Variants in CAMK2N1 observed in about 807,000 individuals in gnomAD.
The protein encoded by CAMK2N1 is calcium/calmodulin dependent protein kinase II inhibitor 1, also known as calcium/calmodulin-dependent protein kinase II inhibitor 1.
A neutral mutation model predicts 6.4 loss-of-function variants in CAMK2N1; 2 were observed. The ratio of observed to expected loss-of-function variants is 0.31; its 90% CI spans 0.13 to 0.98. The LOEUF is 0.98. Ranked by LOEUF, CAMK2N1 falls within the 50% of genes least tolerant of loss-of-function variation. The pLI is 0.51. For missense variants in CAMK2N1, 77 were observed against 107.3 expected (o/e 0.72, Z 1.25); for synonymous variants, 42 against 47.5 (o/e 0.88, Z 0.47).
In CAMK2N1 at chr1:20,482,595, C is replaced by T. The variant is rs2051476599; in HGVS notation, c.*1054G>A. 1 of 152,568 alleles carries T rather than the reference C, an allele frequency of 6.6e-6. No individual in the cohort carries two copies. Among genetic ancestry groups the T allele is most frequent in the African/African-American group, 2.4e-5 (1 of 41,448 alleles). The allele number at this position is 152,568 out of a possible 1,614,324, so 9.5% of individuals were successfully genotyped here. On this transcript the variant is annotated 3_prime_UTR_variant, in exon 2 of 2. Coordinates refer to ENST00000375078, the MANE Select transcript of CAMK2N1 (RefSeq NM_018584.6). Reference sequence around the variant, plus strand: ...TTTTGCAAATACCATGCAAAACAGGCAGCTGGTGTGCCTTAAGAGAATCCC... The same window carrying T: ...TTTTGCAAATACCATGCAAAACAGGTAGCTGGTGTGCCTTAAGAGAATCCC...
At chr1:20,483,855 A>G (rs2051488508) in intron 1 of CAMK2N1, 136 bp from the exon 2 acceptor site, 1 of 735,668 alleles carries the variant, frequency 1.4e-6, no homozygotes, top group Non-Finnish European at 2.4e-6. Context: ...GCGGTGAAAC[A>G]GCTCCATCCT....
rs1176293245 is a variant in CAMK2N1, at chr1:20,483,084, TAC to T, written c.*563_*564del. On this transcript the variant is annotated 3_prime_UTR_variant, in exon 2 of 2. Transcript: ENST00000375078. ...GATGACCAAAATAAAACAGAATATC[TAC>T]AGAGATCATTTTCTGAATTTTTTGT... 6.5e-6 allele frequency: 1 copy of T among 152,760 alleles called. No homozygotes were observed. Among genetic ancestry groups the T allele is most frequent in the African/African-American group, 2.4e-5 (1 of 41,562 alleles). 9.5% of individuals were successfully genotyped at this position (152,760 alleles called of 1,614,324 possible). A position where few individuals can be genotyped will look rare whatever the true frequency, so the allele number is the denominator to read the frequency against.
intron 1 of CAMK2N1, 63 bp from the exon 2 acceptor site, chr1:20,483,782 T>C (rs2051487837): frequency 1.4e-6 from 2 of 1,441,088 alleles, no homozygotes; most frequent in South Asian, 2.3e-5. Flanking sequence ...GTCTCTGACA[T>C]TTCCCGTTAT....
chr1:20,483,729 A>C lies in CAMK2N1; in HGVS notation c.167-10T>G, dbSNP rs2101104762. ...TCATCTTCAATAACAACTGCAAAAA[A>C]AGGGGGGAAAAGAGAGGTGAGCGCG... On this transcript the variant is annotated splice_polypyrimidine_tract_variant and intron_variant, in intron 1 of 1. Coordinates refer to ENST00000375078, the MANE Select transcript of CAMK2N1 (RefSeq NM_018584.6). 1 of 1,613,796 alleles carries C rather than the reference A, an allele frequency of 6.2e-7. No homozygotes were observed. The highest frequency in any genetic ancestry group is 1.3e-5 in the African/African-American group (1 of 75,058).
chr1:20,482,697 T>C lies in CAMK2N1; in HGVS notation c.*952A>G, dbSNP rs1425723485. On this transcript the variant is annotated 3_prime_UTR_variant, in exon 2 of 2. Coordinates refer to ENST00000375078, the MANE Select transcript of CAMK2N1 (RefSeq NM_018584.6). Reference sequence around the variant, plus strand: ...ACAGAGAAAAGAAACTAAAATGCCTTTTGGCATTTCAAGATATTTGGCACT... The same window carrying C: ...ACAGAGAAAAGAAACTAAAATGCCTCTTGGCATTTCAAGATATTTGGCACT... 6.6e-6 allele frequency: 1 copy of C among 152,482 alleles called. No homozygotes were observed. Among genetic ancestry groups the C allele is most frequent in the Non-Finnish European group, 1.5e-5 (1 of 68,042 alleles). 9.4% of individuals were successfully genotyped at this position (152,482 alleles called of 1,614,324 possible).
Position 20,484,876 on chromosome 1 carries a change from C to A in CAMK2N1, c.166+338G>T, listed in dbSNP as rs913423897. Among the ~76,000 whole-genome samples the A allele has an allele frequency of 1.3e-5, 2 of 152,204 alleles. No homozygotes were observed. The highest frequency in any genetic ancestry group is 2.9e-5 in the Non-Finnish European group (2 of 68,036). On this transcript the variant is annotated intron_variant, in intron 1 of 1. Transcript: ENST00000375078. The surrounding 1 kb of genome is among the most constrained non-coding windows in gnomAD (Gnocchi z 6.8). ...CCTGGGGGTCCCTGGGACCCCCTCC[C>A]CACAGGGTTATGGAGCGAGTGCAGC...
Position 20,485,411 on chromosome 1 carries a change from C to T in CAMK2N1, c.-32G>A. On this transcript the variant is annotated 5_prime_UTR_variant, in exon 1 of 2. Transcript: ENST00000375078. The surrounding 1 kb of genome is among the most constrained non-coding windows in gnomAD (Gnocchi z 8.4). ...GTCCGGGGGCTCCGCCGCGGCGCCT[C>T]CTCCGCCCGCGTCCCCGCCCGCGGC... 6 of 1,273,632 alleles carry T rather than the reference C, an allele frequency of 4.7e-6. No individual in the cohort carries two copies. The highest frequency in any genetic ancestry group is 6.0e-6 in the Non-Finnish European group (6 of 1,006,242). 78.9% of individuals were successfully genotyped at this position (1,273,632 alleles called of 1,614,324 possible). A position where few individuals can be genotyped will look rare whatever the true frequency, so the allele number is the denominator to read the frequency against.
chr1:20,483,140 T>C lies in CAMK2N1; in HGVS notation c.*509A>G, dbSNP rs545122459. 6.6e-6 allele frequency: 1 copy of C among 152,532 alleles called. No individual in the cohort carries two copies. Among genetic ancestry groups the C allele is most frequent in the Non-Finnish European group, 1.5e-5 (1 of 68,096 alleles). The allele number at this position is 152,532 out of a possible 1,614,324, so 9.4% of individuals were successfully genotyped here. A position where few individuals can be genotyped will look rare whatever the true frequency, so the allele number is the denominator to read the frequency against. ...TCCAAGGATAACAACATAAAAAAAA[T>C]AAAACTGGACAGCATTTCACATCCA... On this transcript the variant is annotated 3_prime_UTR_variant, in exon 2 of 2. Coordinates refer to ENST00000375078, the MANE Select transcript of CAMK2N1 (RefSeq NM_018584.6).
At position 20,484,164 on chromosome 1, in the gene CAMK2N1, C is replaced by T. The variant is rs929338400; in HGVS notation, c.167-445G>A. On this transcript the variant is annotated intron_variant, in intron 1 of 1. Coordinates refer to ENST00000375078, the MANE Select transcript of CAMK2N1 (RefSeq NM_018584.6). The surrounding 1 kb of genome is among the most constrained non-coding windows in gnomAD (Gnocchi z 6.8). The stretch of plus-strand genomic sequence containing the variant: ...GGCTAGGTGCGGAGATGAGCGGAAC[C>T]AGGAGGGGACGCCAAAACCGGTTCC... Among the ~76,000 whole-genome samples, 1 of 152,218 alleles carries T rather than the reference C, an allele frequency of 6.6e-6. No individual in the cohort carries two copies. The highest frequency in any genetic ancestry group is 1.5e-5 in the Non-Finnish European group (1 of 68,036).
Position 20,483,261 on chromosome 1 carries a change from C to A in CAMK2N1, c.*388G>T, listed in dbSNP as rs543364993. 1 of 153,144 alleles carries A rather than the reference C, an allele frequency of 6.5e-6. No homozygotes were observed. Among genetic ancestry groups the A allele is most frequent in the Non-Finnish European group, 1.5e-5 (1 of 68,528 alleles). The allele number at this position is 153,144 out of a possible 1,614,324, so 9.5% of individuals were successfully genotyped here. A position where few individuals can be genotyped will look rare whatever the true frequency, so the allele number is the denominator to read the frequency against. ...CAACACCTCAAAACACCTGGTGTTG[C>A]CGCTTCATTAAGTGGTTCAAAATCC... On this transcript the variant is annotated 3_prime_UTR_variant, in exon 2 of 2. Transcript: ENST00000375078.
In CAMK2N1 at chr1:20,485,038, G is replaced by T. The variant is rs996634341; in HGVS notation, c.166+176C>A. ...GACCCAGCCGGGGATCCGGCTTAGG[G>T]GGACGCGTTCCTGCGACCCGCTTCA... On this transcript the variant is annotated intron_variant, in intron 1 of 1. Coordinates refer to ENST00000375078, the MANE Select transcript of CAMK2N1 (RefSeq NM_018584.6). This position sits in a 1 kb window ranked among gnomAD's most constrained non-coding sequence, Gnocchi z 8.4. Among the ~76,000 whole-genome samples the T allele has an allele frequency of 6.6e-6, 1 of 152,208 alleles. No individual in the cohort carries two copies. Among genetic ancestry groups the T allele is most frequent in the African/African-American group, 2.4e-5 (1 of 41,468 alleles).
Position 20,484,384 on chromosome 1 carries a change from G to T in CAMK2N1, c.167-665C>A, listed in dbSNP as rs950792771. 1.3e-5 allele frequency: 2 copies of T among 152,370 alleles called. No individual in the cohort carries two copies. Among genetic ancestry groups the T allele is most frequent in the African/African-American group, 2.4e-5 (1 of 41,454 alleles). The allele number at this position is 152,370 out of a possible 1,614,324, so 9.4% of individuals were successfully genotyped here. A position where few individuals can be genotyped will look rare whatever the true frequency, so the allele number is the denominator to read the frequency against. ...TCTCTTACCGTCTCGACTTAGCCTC[G>T]CCTTTCTCAGTCCCTCCATCGTCCC... On this transcript the variant is annotated intron_variant, in intron 1 of 1. Transcript: ENST00000375078. This position sits in a 1 kb window ranked among gnomAD's most constrained non-coding sequence, Gnocchi z 6.8.
rs2051477332 is a variant in CAMK2N1 at position 20,482,675 on chromosome 1, G to C, written c.*974C>G. The C allele has an allele frequency of 6.6e-6, 1 of 152,544 alleles. No homozygotes were observed. The highest frequency in any genetic ancestry group is 2.4e-5 in the African/African-American group (1 of 41,446). 9.4% of individuals were successfully genotyped at this position (152,544 alleles called of 1,614,324 possible). ...TTCCTGTACGTGGACTCAGAGCACA[G>C]AGAAAAGAAACTAAAATGCCTTTTG... On this transcript the variant is annotated 3_prime_UTR_variant, in exon 2 of 2. Coordinates refer to ENST00000375078, the MANE Select transcript of CAMK2N1 (RefSeq NM_018584.6).
chr1:20,484,615 G>A lies in CAMK2N1; in HGVS notation c.166+599C>T, dbSNP rs2051495608. On this transcript the variant is annotated intron_variant, in intron 1 of 1. Coordinates refer to ENST00000375078, the MANE Select transcript of CAMK2N1 (RefSeq NM_018584.6). The surrounding 1 kb of genome is among the most constrained non-coding windows in gnomAD (Gnocchi z 6.8). Reference sequence around the variant, plus strand: ...CGTACCCCCTCCCCTCCATCCCTGCGTCTCAGTCTCTCTCTGCAGCCGTCG... The same window carrying A: ...CGTACCCCCTCCCCTCCATCCCTGCATCTCAGTCTCTCTCTGCAGCCGTCG... 1.3e-5 allele frequency: 2 copies of A among 151,880 alleles called. No homozygotes were observed. Among genetic ancestry groups the A allele is most frequent in the African/African-American group, 4.9e-5 (2 of 41,234 alleles). 9.4% of individuals were successfully genotyped at this position (151,880 alleles called of 1,614,324 possible).
In CAMK2N1 at chr1:20,485,347, C is replaced by T; in HGVS notation, c.33G>A (p.Lys11=). The T allele has an allele frequency of 6.5e-6, 10 of 1,540,140 alleles. No homozygotes were observed. Among genetic ancestry groups the T allele is most frequent in the South Asian group, 1.2e-5 (1 of 83,270 alleles). ...CGCCGCCGTCGCCGTAGGGGCTCAG[C>T]TTCTCGTCGCCGTAGGGCAGCACCT... The part of the protein sequence containing the change: MSEVLPYGDE[K]LSPYGDGGDV... Residue 11 remains lysine, a synonymous_variant, in exon 1 of 2, where the codon AAG becomes AAA. Transcript: ENST00000375078. The surrounding 1 kb of genome is among the most constrained non-coding windows in gnomAD (Gnocchi z 8.4).
In CAMK2N1 at chr1:20,485,501, C is replaced by T. The variant is rs1475198700; in HGVS notation, c.-122G>A. On this transcript the variant is annotated 5_prime_UTR_variant, in exon 1 of 2. Transcript: ENST00000375078. The surrounding 1 kb of genome is among the most constrained non-coding windows in gnomAD (Gnocchi z 8.4). Reference sequence around the variant, plus strand: ...GGGGACGGCCCGCGGGCTGCTGCGGCGGTGGCGCCGGCGAGAGGCCGGGGG... The same window carrying T: ...GGGGACGGCCCGCGGGCTGCTGCGGTGGTGGCGCCGGCGAGAGGCCGGGGG... 9.0e-6 allele frequency: 6 copies of T among 669,034 alleles called. No homozygotes were observed. The Admixed American group carries it at 2.6e-4, about 29-fold the overall frequency. The allele number at this position is 669,034 out of a possible 1,614,324, so 41.4% of individuals were successfully genotyped here.
chr1:20,482,889 G>GTA lies in CAMK2N1; in HGVS notation c.*759_*760insTA, dbSNP rs1227266555. On this transcript the variant is annotated 3_prime_UTR_variant, in exon 2 of 2. Transcript: ENST00000375078. ...TGTGTGTGTGTGTGTGTGTGTGTGT[G>GTA]TGTTTTTCTGACATAAAAAATGTGT... is the stretch of plus-strand genomic sequence containing the variant. The GTA allele has an allele frequency of 1.3e-5, 2 of 151,784 alleles. No individual in the cohort carries two copies. Among genetic ancestry groups the GTA allele is most frequent in the Non-Finnish European group, 2.9e-5 (2 of 67,946 alleles). The allele number at this position is 151,784 out of a possible 1,614,324, so 9.4% of individuals were successfully genotyped here.
Position 20,484,203 on chromosome 1 carries a change from G to C in CAMK2N1, c.167-484C>G, listed in dbSNP as rs367990021. Among the ~76,000 whole-genome samples the C allele has an allele frequency of 1.5e-3, 221 of 152,312 alleles. No homozygotes were observed. The highest frequency in any genetic ancestry group is 5.2e-3 in the African/African-American group (216 of 41,588). On this transcript the variant is annotated intron_variant, in intron 1 of 1. Transcript: ENST00000375078. The surrounding 1 kb of genome is among the most constrained non-coding windows in gnomAD (Gnocchi z 6.8). Reference sequence around the variant, plus strand: ...AAAACCGGTTCCCACGACGCGCAGCGGGTGGGGGTTAGGGCCTGGCCTGGG... The same window carrying C: ...AAAACCGGTTCCCACGACGCGCAGCCGGTGGGGGTTAGGGCCTGGCCTGGG...
rs554853341 is a variant in CAMK2N1, at chr1:20,484,009, T to G, written c.167-290A>C. On this transcript the variant is annotated intron_variant, in intron 1 of 1. Transcript: ENST00000375078. This position sits in a 1 kb window ranked among gnomAD's most constrained non-coding sequence, Gnocchi z 6.8. ...CTCCTGCTGCAGCCAGGGCGCGCAC[T>G]GGCCCGCGTCCTCCCCGCACCAGGC... Among the ~76,000 whole-genome samples, 139 of 152,334 alleles carry G rather than the reference T, an allele frequency of 9.1e-4. No homozygotes were observed. The highest frequency in any genetic ancestry group is 3.2e-3 in the African/African-American group (133 of 41,584).
Sources: gnomAD v4.1 joint callset for allele counts (sites outside exome capture counted in the v4.1 genomes callset) on GRCh38, gnomAD v4.1.1 for gene constraint, Gnocchi (gnomAD v3.1) non-coding constraint, MANE v1.5 for transcripts, NCBI Gene and HGNC (gene_info 2026-07-23, HGNC 2026-07-21) for gene names.